BTBD9: variants seen among roughly 807,000 people sequenced by gnomAD.
The protein encoded by BTBD9 is BTB domain containing 9.
Under a neutral mutation model 64.3 loss-of-function variants are expected in BTBD9, and 49 were observed. That is an observed-to-expected ratio of 0.76 (90% confidence interval 0.61 to 0.97). The LOEUF is 0.97. Ranked by LOEUF, BTBD9 falls within the 50% of genes least tolerant of loss-of-function variation. BTBD9 has a pLI of 0.00. For synonymous variants in BTBD9, 260 were observed against 274.7 expected (o/e 0.95, Z 0.53); for missense variants, 598 against 762.1 (o/e 0.78, Z 2.53).
rs558180909 is a variant in BTBD9, at chr6:38,454,209, T to C, written c.1155-109116A>G. ...CTGATAAATGTTAACTCAATGTTCATGTCCTCTGGCGGACACAGCTATTTT... is the reference window on the plus strand; with the variant it reads ...CTGATAAATGTTAACTCAATGTTCACGTCCTCTGGCGGACACAGCTATTTT... On this transcript the variant is annotated intron_variant, in intron 6 of 10. Coordinates refer to ENST00000481247, the MANE Select transcript of BTBD9 (RefSeq NM_001099272.2). Among the ~76,000 whole-genome samples, 14 of 152,282 alleles carry C rather than the reference T, an allele frequency of 9.2e-5. No homozygotes were observed. The East Asian group carries it at 1.7e-3, about 19-fold the overall frequency.
At chr6:38,465,122 T>A (rs1356810275) in intron 6 of BTBD9, among the ~76,000 whole-genome samples, 1 of 151,584 alleles carries the variant, frequency 6.6e-6, no homozygotes, top group East Asian at 1.9e-4. Flanking sequence ...TGAGACCTCA[T>A]CTCTGCTAAA....
intron 1 of BTBD9, among the ~76,000 whole-genome samples, chr6:38,638,469 T>C (rs1333783444): frequency 2.0e-5 from 3 of 152,198 alleles, no homozygotes; most frequent in East Asian, 1.9e-4. Flanking sequence ...CAAATATCCA[T>C]TGCATGCCTA....
intron 6 of BTBD9, among the ~76,000 whole-genome samples, chr6:38,393,164 G>T (rs926397021): frequency 7.2e-5 from 11 of 152,332 alleles, no homozygotes; most frequent in Admixed American, 2.0e-4. Flanking sequence ...AAAGTGCTGG[G>T]ATTACAGGCG....
intron 9 of BTBD9, among the ~76,000 whole-genome samples, chr6:38,237,042 T>C (rs995403292): frequency 6.6e-6 from 1 of 152,254 alleles, no homozygotes; most frequent in Non-Finnish European, 1.5e-5. Context: ...CACTGCTCAG[T>C]AGCTGAACTC....
chr6:38,323,159 C>T (rs1763300202), intron 7 of BTBD9, among the ~76,000 whole-genome samples: 1 of 152,196 alleles, frequency 6.6e-6, no homozygotes, highest in Non-Finnish European at 1.5e-5. Flanking sequence ...TCTACAATAA[C>T]ATTATGTATC....
intron 10 of BTBD9, among the ~76,000 whole-genome samples, chr6:38,182,968 C>CAT (rs1761630226): frequency 7.0e-6 from 1 of 142,058 alleles, no homozygotes; most frequent in Admixed American, 7.4e-5. Flanking sequence ...TAAAGAAGCC[C>CAT]ACAAAAGGTC....
At chr6:38,274,443 T>C (rs969982636) in intron 8 of BTBD9, among the ~76,000 whole-genome samples, 9 of 151,994 alleles carry the variant, frequency 5.9e-5, no homozygotes, top group Admixed American at 1.3e-4. Flanking sequence ...AGAGAGGGCA[T>C]CCCTGTCTTG....
At chr6:38,242,233 G>A (rs188894361) in intron 9 of BTBD9, among the ~76,000 whole-genome samples, 2 of 152,290 alleles carry the variant, frequency 1.3e-5, no homozygotes, top group East Asian at 1.9e-4. Context: ...GGCACAACAT[G>A]AGCCAGTAGC....
rs1489948902 is a variant in BTBD9 at position 38,592,769 on chromosome 6, T to C, written c.621A>G (p.Leu207=). 2 of 1,614,200 alleles carry C rather than the reference T, an allele frequency of 1.2e-6. No individual in the cohort carries two copies. The highest frequency in any genetic ancestry group is 1.7e-6 in the Non-Finnish European group (2 of 1,180,026). ...APEKDIFLAL[L]NWCKHNSKEN... The stretch of plus-strand genomic sequence containing the variant: ...CCTTTGAATTGTGCTTACACCAGTT[T>C]AATAAGGCTAGGAAAATATCTTTTT... Residue 207 remains leucine (L), a synonymous_variant, in exon 4 of 11, where the codon TTA becomes TTG. Coordinates refer to ENST00000481247, the MANE Select transcript of BTBD9 (RefSeq NM_001099272.2).
chr6:38,632,731 A>T (rs747847884), intron 1 of BTBD9, among the ~76,000 whole-genome samples: 12 of 152,128 alleles, frequency 7.9e-5, no homozygotes, highest in African/African-American at 1.2e-4. Flanking sequence ...CAGGAGTTCA[A>T]GAACAGCCTA....
intron 1 of BTBD9, among the ~76,000 whole-genome samples, chr6:38,629,226 A>G (rs1485294074): frequency 6.6e-6 from 1 of 152,228 alleles, no homozygotes; most frequent in Non-Finnish European, 1.5e-5. Context: ...GCAAATAGTC[A>G]TCAATGAAGC....
chr6:38,212,844 A>C (rs1582059302), intron 9 of BTBD9, among the ~76,000 whole-genome samples: 1 of 151,106 alleles, frequency 6.6e-6, no homozygotes, highest in Non-Finnish European at 1.5e-5. Context: ...GTCCAATACC[A>C]CCCCCTTCTC....
intron 6 of BTBD9, among the ~76,000 whole-genome samples, chr6:38,483,416 C>T (rs979307196): frequency 6.6e-6 from 1 of 152,082 alleles, no homozygotes; most frequent in African/African-American, 2.4e-5. Context: ...TTCCCAGTCT[C>T]TTGTATTCAC....
chr6:38,458,629 A>C (rs1769928227), intron 6 of BTBD9, among the ~76,000 whole-genome samples: 1 of 152,222 alleles, frequency 6.6e-6, no homozygotes, highest in Non-Finnish European at 1.5e-5. Context: ...CTAACCAAAG[A>C]TACCTGACAT....
chr6:38,219,336 G>T (rs1368412967), intron 9 of BTBD9, among the ~76,000 whole-genome samples: 4 of 150,816 alleles, frequency 2.7e-5, no homozygotes, highest in Admixed American at 6.6e-5. Flanking sequence ...TAGAGACAGG[G>T]TTTCAGCATG....
chr6:38,580,722 C>T (rs1776247251), intron 4 of BTBD9, among the ~76,000 whole-genome samples: 1 of 151,174 alleles, frequency 6.6e-6, no homozygotes, highest in African/African-American at 2.4e-5. Context: ...ATGGGAAGAC[C>T]CTGTCCCTAT....
intron 6 of BTBD9, among the ~76,000 whole-genome samples, chr6:38,447,870 T>C (rs566743407): frequency 6.6e-4 from 101 of 152,324 alleles, no homozygotes; most frequent in African/African-American, 2.4e-3. Flanking sequence ...GCTGGTGGGA[T>C]ACAAAAAGTA....
At chr6:38,420,925 T>A (rs888362745) in intron 6 of BTBD9, among the ~76,000 whole-genome samples, 7 of 152,256 alleles carry the variant, frequency 4.6e-5, no homozygotes, top group African/African-American at 1.4e-4. Context: ...CACAAACTTT[T>A]AAAAAAACTA....
rs267601008 is a variant in BTBD9 at position 38,597,959 on chromosome 6, G to A, written c.136C>T (p.Arg46Cys). The A allele has an allele frequency of 6.8e-6, 11 of 1,613,908 alleles. No homozygotes were observed. Among genetic ancestry groups the A allele is most frequent in the Middle Eastern group, 3.3e-4 (2 of 6,062 alleles). Reference sequence around the variant, plus strand: ...AAAATTACCCTGTGGGCAGGAAAACGTTTCTTTTCCACCACGAATGTGACG... The same window carrying A: ...AAAATTACCCTGTGGGCAGGAAAACATTTCTTTTCCACCACGAATGTGACG... ...GDVTFVVEKK[R>C]FPAHRVILAA... is the part of the protein sequence containing the mutation. The change falls in exon 2 of 11, where the codon CGT becomes TGT. Residue 46 changes from arginine to cysteine, a missense_variant. Coordinates refer to ENST00000481247, the MANE Select transcript of BTBD9 (RefSeq NM_001099272.2).
Sources: allele counts gnomAD v4.1 joint callset (sites outside exome capture counted in the v4.1 genomes callset), GRCh38; gene constraint gnomAD v4.1.1; transcripts MANE v1.5; gene names NCBI Gene and HGNC (gene_info 2026-07-23, HGNC 2026-07-21).